PLEKHA1: variants seen among roughly 807,000 people sequenced by gnomAD.
The protein encoded by PLEKHA1 is pleckstrin homology domain-containing family A member 1.
In PLEKHA1, 34 loss-of-function variants were observed where a neutral mutation model predicts 52.0. That is an observed-to-expected ratio of 0.65 (90% CI 0.50 to 0.87). PLEKHA1 has a LOEUF of 0.87. Ranked by LOEUF, PLEKHA1 falls within the 40% of genes least tolerant of loss-of-function variation. The pLI is 0.00. For missense variants in PLEKHA1, 497 were observed against 504.2 expected (o/e 0.99, Z 0.14); for synonymous variants, 163 against 170.7 (o/e 0.95, Z 0.35).
intron 1 of PLEKHA1, among the ~76,000 whole-genome samples, chr10:122,384,799 C>T (rs773210287): frequency 6.6e-6 from 1 of 151,818 alleles, no homozygotes; most frequent in African/African-American, 2.4e-5. Context: ...ACTGAAAATA[C>T]AGAAATTAGC....
intron 2 of PLEKHA1, among the ~76,000 whole-genome samples, chr10:122,394,811 T>C (rs1489562860): frequency 6.6e-6 from 1 of 152,224 alleles, no homozygotes; most frequent in Non-Finnish European, 1.5e-5. Flanking sequence ...GACATATGTA[T>C]GGTTTCTCCT....
chr10:122,380,928 T>C (rs1347228032), intron 1 of PLEKHA1, among the ~76,000 whole-genome samples: 1 of 152,160 alleles, frequency 6.6e-6, no homozygotes, highest in African/African-American at 2.4e-5. Flanking sequence ...AGTGTGACTC[T>C]AGAGCCAGAC....
chr10:122,423,129 A>ATTT (rs1565313870), intron 8 of PLEKHA1: 4 of 136,762 alleles, frequency 2.9e-5, no homozygotes, highest in African/African-American at 1.1e-4. Flanking sequence ...TTTTTTTTTA[A>ATTT]AAAAGCACTC....
At chr10:122,429,096 T>G (rs1405741520) in intron 11 of PLEKHA1, among the ~76,000 whole-genome samples, 1 of 152,208 alleles carries the variant, frequency 6.6e-6, no homozygotes, top group Non-Finnish European at 1.5e-5. Flanking sequence ...TTCAGGGAAG[T>G]AAAAACTAAG....
chr10:122,406,894 G>C (rs1179761085), intron 5 of PLEKHA1, among the ~76,000 whole-genome samples: 1 of 152,062 alleles, frequency 6.6e-6, no homozygotes, highest in African/African-American at 2.4e-5. Flanking sequence ...ACCTAATAAG[G>C]AGATATATTA....
At chr10:122,416,713 T>G (rs1266908732) in intron 7 of PLEKHA1, among the ~76,000 whole-genome samples, 1 of 152,224 alleles carries the variant, frequency 6.6e-6, no homozygotes, top group Middle Eastern at 3.2e-3. Flanking sequence ...AAGCCATTCT[T>G]TCTATGTGAA....
intron 2 of PLEKHA1, among the ~76,000 whole-genome samples, chr10:122,394,156 C>T (rs2096818060): frequency 6.9e-6 from 1 of 145,230 alleles, no homozygotes; most frequent in Admixed American, 7.2e-5. Flanking sequence ...CTCACTGCAG[C>T]CTCTGCCTCC....
intron 5 of PLEKHA1, among the ~76,000 whole-genome samples, chr10:122,407,974 C>G (rs1213768544): frequency 6.6e-6 from 1 of 152,168 alleles, no homozygotes; most frequent in Non-Finnish European, 1.5e-5. Context: ...TCTAGAACAG[C>G]TTGTTACCAC....
At chr10:122,385,766 C>T (rs2096685044) in intron 1 of PLEKHA1, among the ~76,000 whole-genome samples, 2 of 152,212 alleles carry the variant, frequency 1.3e-5, no homozygotes, top group South Asian at 4.1e-4. Flanking sequence ...GCTTCTTTCA[C>T]ATACCAAAAT....
Position 122,398,769 on chromosome 10 carries a change from A to G in PLEKHA1, c.198+795A>G, listed in dbSNP as rs929045398. Among the ~76,000 whole-genome samples, 10 of 152,284 alleles carry G rather than the reference A, an allele frequency of 6.6e-5. No homozygotes were observed. In the East Asian group the frequency reaches 1.9e-3, roughly 29 times the overall value. The stretch of plus-strand genomic sequence containing the variant: ...AGGTAGATCACTTCAACAGAAGACC[A>G]ATTTACAAATGTGCCTCTGTTTAGA... On this transcript the variant is annotated intron_variant, in intron 3 of 11. Transcript: ENST00000368990.
rs117105663 is a variant in PLEKHA1 at position 122,424,273 on chromosome 10, C to A, written c.746+10C>A. ...AGGAATGTAAGCAAAGGTAAGGAAC[C>A]GCTCTGACTTGATGCCTGGCACAAG... On this transcript the variant is annotated intron_variant, in intron 9 of 11. Transcript: ENST00000368990. 1.9e-6 allele frequency: 3 copies of A among 1,589,096 alleles called. No individual in the cohort carries two copies. In the African/African-American group the frequency reaches 4.2e-5, roughly 22 times the overall value.
chr10:122,426,440 T>C (rs2097340739), intron 10 of PLEKHA1, among the ~76,000 whole-genome samples: 1 of 152,174 alleles, frequency 6.6e-6, no homozygotes, highest in African/African-American at 2.4e-5. Context: ...TGGGGCCTTA[T>C]TTAATTGGAT....
intron 10 of PLEKHA1, among the ~76,000 whole-genome samples, chr10:122,426,601 T>C (rs2097342877): frequency 6.6e-6 from 1 of 152,178 alleles, no homozygotes; most frequent in African/African-American, 2.4e-5. Context: ...TACATAAATA[T>C]TCTTGTAGCA....
chr10:122,375,408 C>T (rs188005404), intron 1 of PLEKHA1, among the ~76,000 whole-genome samples: 4 of 152,370 alleles, frequency 2.6e-5, no homozygotes, highest in African/African-American at 7.2e-5. Context: ...GATTTACCTC[C>T]GCACCTTCGG....
intron 4 of PLEKHA1, among the ~76,000 whole-genome samples, chr10:122,401,772 A>C (rs2096932977): frequency 6.6e-6 from 1 of 152,202 alleles, no homozygotes; most frequent in Admixed American, 6.5e-5. Context: ...TGACTGAAGG[A>C]ACGAATATTT....
intron 5 of PLEKHA1, 75 bp downstream of exon 5, chr10:122,406,748 A>C (rs958787528): frequency 6.0e-5 from 66 of 1,102,408 alleles, no homozygotes; most frequent in Non-Finnish European, 8.4e-5. Context: ...ACACCTACCA[A>C]ATGTTCCCAG....
Position 122,393,435 on chromosome 10 carries a change from G to A in PLEKHA1, c.141+94G>A. On this transcript the variant is annotated intron_variant, in intron 2 of 11. Transcript: ENST00000368990. This position sits in a 1 kb window ranked among gnomAD's most constrained non-coding sequence, Gnocchi z 4.5. ...ACAGGCTTTAGATTTGTCTTCTTAA[G>A]CAGTATATTTTTAGATTTATTTCTA... 7.9e-7 allele frequency: 1 copy of A among 1,257,868 alleles called. No homozygotes were observed. The highest frequency in any genetic ancestry group is 1.0e-6 in the Non-Finnish European group (1 of 952,440). The allele number at this position is 1,257,868 out of a possible 1,614,324, so 77.9% of individuals were successfully genotyped here.
chr10:122,387,971 T>C (rs992864680), intron 1 of PLEKHA1: 4 of 152,250 alleles, frequency 2.6e-5, no homozygotes, highest in African/African-American at 9.6e-5. Context: ...CCAGTCATTG[T>C]AGAAACTGCC....
chr10:122,412,933 C>T lies in PLEKHA1; in HGVS notation c.356C>T (p.Ser119Leu). 1 of 1,613,174 alleles carries T rather than the reference C, an allele frequency of 6.2e-7. No individual in the cohort carries two copies. Among genetic ancestry groups the T allele is most frequent in the Non-Finnish European group, 8.5e-7 (1 of 1,179,412 alleles). ...KAIKITVPKQ[S>L]DSQPNSDNLS... ...TTACTATTTCAGGTACCAAAGCAGT[C>T]AGACTCACAGCCTAATTCTGATAAC... Residue 119 changes from serine (S) to leucine (L), a missense_variant, in exon 6 of 12, where the codon TCA (serine) becomes TTA (leucine). Transcript: ENST00000368990.
Sources: gnomAD v4.1 joint callset for allele counts (sites outside exome capture counted in the v4.1 genomes callset) on GRCh38, gnomAD v4.1.1 for gene constraint, Gnocchi (gnomAD v3.1) non-coding constraint, MANE v1.5 for transcripts, NCBI Gene and HGNC (gene_info 2026-07-23, HGNC 2026-07-21) for gene names.